PCGF6: variants seen among roughly 807,000 people sequenced by gnomAD.
The protein encoded by PCGF6 is polycomb group RING finger protein 6.
PCGF6 carries 24 observed loss-of-function variants against 45.5 expected under a neutral mutation model. That is an observed-to-expected ratio of 0.53 (90% CI 0.38 to 0.74). The LOEUF (loss-of-function observed/expected upper bound fraction) is 0.74, where lower values mean the gene tolerates loss of function less well. Among genes scored for constraint, PCGF6 ranks in the 30% least tolerant of loss-of-function variants. The pLI is 0.00. For synonymous variants in PCGF6, 152 were observed against 162.1 expected (o/e 0.94, Z 0.47); for missense variants, 356 against 443.2 (o/e 0.80, Z 1.77).
At chr10:103,320,217 T>C (rs1384832404) in intron 8 of PCGF6, among the ~76,000 whole-genome samples, 3 of 152,108 alleles carry the variant, frequency 2.0e-5, no homozygotes, top group Non-Finnish European at 4.4e-5. Flanking sequence ...AAATTTCATC[T>C]CATAAAAGCA....
chr10:103,311,235 G>A lies in PCGF6; in HGVS notation c.996+2951C>T, dbSNP rs563311515. ...TGGCTCACCGCAAACTCTGCCTCCCGGGTTCAAGCGATTCTCCTGCCTCAG... is the reference window on the plus strand; with the variant it reads ...TGGCTCACCGCAAACTCTGCCTCCCAGGTTCAAGCGATTCTCCTGCCTCAG... On this transcript the variant is annotated intron_variant, in intron 9 of 9. Transcript: ENST00000369847. Among the ~76,000 whole-genome samples, 18 of 152,098 alleles carry A rather than the reference G, an allele frequency of 1.2e-4. 1 individual carries two copies. In the South Asian group the frequency reaches 1.5e-3, roughly 12 times the overall value.
intron 9 of PCGF6, 67 bp downstream of exon 9, chr10:103,314,119 T>C (rs2093166579): frequency 2.2e-6 from 2 of 893,564 alleles, no homozygotes; most frequent in African/African-American, 1.7e-5. Flanking sequence ...TATGAAAACT[T>C]ACTGATAACA....
chr10:103,314,300 G>A, intron 8 of PCGF6, 28 bp from the exon 9 acceptor site: 1 of 1,338,888 alleles, frequency 7.5e-7, no homozygotes, highest in Non-Finnish European at 1.0e-6. Flanking sequence ...GTATTAGATT[G>A]ATTTCTTGCT....
rs71019677 is a variant in PCGF6, at chr10:103,343,832, CAAAA to C, written c.782+1188_782+1191del. ...TGGGCGACAGAGTAAAACTCTGTCT[CAAAA>C]AAAAAAAAAAAAAAGAAAGGTATCT... is the stretch of plus-strand genomic sequence containing the variant. On this transcript the variant is annotated intron_variant, in intron 6 of 9. Coordinates refer to ENST00000369847, the MANE Select transcript of PCGF6 (RefSeq NM_001011663.2). 4.9e-3 allele frequency among the ~76,000 whole-genome samples: 158 copies of C among 32,486 alleles called. 3 individuals are homozygous for C. The highest frequency in any genetic ancestry group is 6.0e-3 in the Non-Finnish European group (105 of 17,456). 21.3% of individuals were successfully genotyped at this position (32,486 alleles called of 152,430 possible). A position where few individuals can be genotyped will look rare whatever the true frequency, so the allele number is the denominator to read the frequency against.
chr10:103,338,419 C>T (rs1217063485), intron 6 of PCGF6, among the ~76,000 whole-genome samples: 2 of 150,926 alleles, frequency 1.3e-5, no homozygotes, highest in African/African-American at 4.9e-5. Flanking sequence ...GTGGCAGGCA[C>T]CTGTAGTCCC....
At chr10:103,324,894 G>A (rs1257769626) in intron 8 of PCGF6, among the ~76,000 whole-genome samples, 1 of 151,908 alleles carries the variant, frequency 6.6e-6, no homozygotes, top group Non-Finnish European at 1.5e-5. Context: ...CAGCACATTG[G>A]GAGGCCGAGG....
At chr10:103,336,862 C>T (rs2093259210) in intron 6 of PCGF6, among the ~76,000 whole-genome samples, 1 of 152,010 alleles carries the variant, frequency 6.6e-6, no homozygotes, top group Admixed American at 6.6e-5. Context: ...GTGACAGAGC[C>T]AGACTCCATC....
chr10:103,346,566 G>A (rs1017927660), intron 5 of PCGF6, among the ~76,000 whole-genome samples: 2 of 152,204 alleles, frequency 1.3e-5, no homozygotes, highest in Admixed American at 1.3e-4. Flanking sequence ...GGAGGTTGCA[G>A]TGAGCCAAGA....
intron 5 of PCGF6, among the ~76,000 whole-genome samples, chr10:103,345,935 G>A (rs1261099268): frequency 6.6e-6 from 1 of 152,010 alleles, no homozygotes; most frequent in African/African-American, 2.4e-5. Context: ...GCTCATGCCA[G>A]TAATCCCAGC....
intron 6 of PCGF6, among the ~76,000 whole-genome samples, chr10:103,339,833 A>G (rs891020327): frequency 1.5e-5 from 2 of 137,518 alleles, no homozygotes; most frequent in African/African-American, 2.7e-5. Flanking sequence ...ACACACACAC[A>G]CACACACACA....
In PCGF6 at chr10:103,348,966, T is replaced by G. The variant is rs763890537; in HGVS notation, c.394A>C (p.Ile132Leu). 34 of 1,613,830 alleles carry G rather than the reference T, an allele frequency of 2.1e-5. No homozygotes were observed. Among genetic ancestry groups the G allele is most frequent in the Non-Finnish European group, 2.7e-5 (32 of 1,179,872 alleles). Residue 132 changes from isoleucine to leucine, a missense_variant, in exon 2 of 10, where the codon ATC (isoleucine) becomes CTC (leucine). Physicochemically the swap from Ile to Leu is conservative, Grantham distance 5. Coordinates refer to ENST00000369847, the MANE Select transcript of PCGF6 (RefSeq NM_001011663.2). ...TAACCTTTGCAAATGGAACACAAGATGTATGGGGTCAGCTCAGAGAGATTA... is the reference window on the plus strand; with the variant it reads ...TAACCTTTGCAAATGGAACACAAGAGGTATGGGGTCAGCTCAGAGAGATTA... ...LINLSELTPY[I>L]LCSICKGYLI...
intron 1 of PCGF6, among the ~76,000 whole-genome samples, chr10:103,349,750 G>A (rs1225241744): frequency 6.7e-6 from 1 of 149,944 alleles, no homozygotes; most frequent in Non-Finnish European, 1.5e-5. Context: ...GGGGATTATA[G>A]GCGTGAGCCA....
intron 3 of PCGF6, 119 bp downstream of exon 3, chr10:103,348,597 T>C (rs551539554): frequency 3.9e-6 from 3 of 765,156 alleles, no homozygotes; most frequent in East Asian, 5.6e-5. Context: ...AGTGCTGGGA[T>C]TATGGCATTA....
At chr10:103,311,122 G>T (rs533209517) in intron 9 of PCGF6, among the ~76,000 whole-genome samples, 1 of 152,042 alleles carries the variant, frequency 6.6e-6, no homozygotes, top group East Asian at 1.9e-4. Flanking sequence ...AGGAGCAAGC[G>T]ACTATGCCTG....
chr10:103,318,386 T>C (rs1459348429), intron 8 of PCGF6, among the ~76,000 whole-genome samples: 1 of 142,794 alleles, frequency 7.0e-6, no homozygotes, highest in Non-Finnish European at 1.5e-5. Flanking sequence ...GAAGTTGTAG[T>C]GAACCGAGAT....
At chr10:103,318,965 G>T (rs928099995) in intron 8 of PCGF6, among the ~76,000 whole-genome samples, 1 of 152,044 alleles carries the variant, frequency 6.6e-6, no homozygotes, top group African/African-American at 2.4e-5. Flanking sequence ...TTACCCTCTG[G>T]AGTATCAAGA....
intron 6 of PCGF6, among the ~76,000 whole-genome samples, chr10:103,338,063 CAAAA>C (rs35839501): frequency 1.1e-4 from 3 of 26,852 alleles, no homozygotes; most frequent in Non-Finnish European, 1.4e-4. Flanking sequence ...GACTCCGTCT[CAAAA>C]AAAAAAAAAA....
At chr10:103,328,905 C>G (rs1441266097) in intron 7 of PCGF6, among the ~76,000 whole-genome samples, 2 of 151,696 alleles carry the variant, frequency 1.3e-5, no homozygotes, top group African/African-American at 4.8e-5. Context: ...GCGTGTACCA[C>G]CACGCTATTT....
chr10:103,350,580 G>C, intron 1 of PCGF6, 127 bp downstream of exon 1: 1 of 953,864 alleles, frequency 1.0e-6, no homozygotes, highest in Non-Finnish European at 1.4e-6. Flanking sequence ...AGAGGTCGGG[G>C]GAGGTCCGCT....
Sources: allele counts gnomAD v4.1 joint callset (sites outside exome capture counted in the v4.1 genomes callset), GRCh38; gene constraint gnomAD v4.1.1; transcripts MANE v1.5; gene names NCBI Gene and HGNC (gene_info 2026-07-23, HGNC 2026-07-21).